Variants in FHIT observed in about 807,000 individuals in gnomAD.
The protein encoded by FHIT is bis(5'-adenosyl)-triphosphatase.
Under a neutral mutation model 17.9 loss-of-function variants are expected in FHIT, and 19 were observed. That is an observed-to-expected ratio of 1.06 (90% CI 0.74 to 1.56). The LOEUF (loss-of-function observed/expected upper bound fraction) is 1.56. Among genes scored for constraint, FHIT ranks in the 40% most tolerant of loss-of-function variants. The pLI is 0.00. For synonymous variants in FHIT, 81 were observed against 69.7 expected (o/e 1.16, Z -0.81); for missense variants, 248 against 189.2 (o/e 1.31, Z -1.82).
intron 3 of FHIT, among the ~76,000 whole-genome samples, chr3:60,920,690 G>C (rs7646851): frequency 1.3e-5 from 2 of 151,998 alleles, no homozygotes; most frequent in African/African-American, 4.8e-5. Context: ...GAGTAAACAA[G>C]GCGTGGGGAG....
At chr3:61,055,035 A>T (rs1214096256) in intron 2 of FHIT, among the ~76,000 whole-genome samples, 2 of 152,114 alleles carry the variant, frequency 1.3e-5, no homozygotes, top group Non-Finnish European at 2.9e-5. Flanking sequence ...GTGCATTTGC[A>T]TACCTCTGCA....
chr3:60,853,677 A>G (rs1703247368), intron 3 of FHIT, among the ~76,000 whole-genome samples: 1 of 152,152 alleles, frequency 6.6e-6, no homozygotes, highest in Non-Finnish European at 1.5e-5. Flanking sequence ...ATAAAGTGCC[A>G]GCTGACTTAA....
At chr3:60,562,713 C>T (rs1182994671) in intron 4 of FHIT, among the ~76,000 whole-genome samples, 1 of 152,154 alleles carries the variant, frequency 6.6e-6, no homozygotes, top group Non-Finnish European at 1.5e-5. Flanking sequence ...TCAAAATCTG[C>T]ACTTGACCTG....
Position 60,814,912 on chromosome 3 carries a change from T to G in FHIT, c.-18+7007A>C, listed in dbSNP as rs367882181. On this transcript the variant is annotated intron_variant, in intron 4 of 9. Transcript: ENST00000492590. Reference sequence around the variant, plus strand: ...TTAGTTTTGTTTTGTTTTTGTTGTTTTTTTTTTTTTTACTTTAGCCATTCT... The same window carrying G: ...TTAGTTTTGTTTTGTTTTTGTTGTTGTTTTTTTTTTTACTTTAGCCATTCT... Among the ~76,000 whole-genome samples the G allele has an allele frequency of 4.8e-4, 72 of 150,856 alleles. No individual in the cohort carries two copies. In the South Asian group the frequency reaches 0.01, roughly 22 times the overall value.
At chr3:60,051,852 C>A (rs1399621826) in intron 5 of FHIT, among the ~76,000 whole-genome samples, 1 of 152,066 alleles carries the variant, frequency 6.6e-6, no homozygotes, top group Non-Finnish European at 1.5e-5. Flanking sequence ...ATAAAACAAA[C>A]AAACAAAACA....
chr3:60,531,693 A>G (rs1036924932), intron 5 of FHIT, among the ~76,000 whole-genome samples: 1 of 152,214 alleles, frequency 6.6e-6, no homozygotes, highest in East Asian at 1.9e-4. Flanking sequence ...TCTGATTTTT[A>G]TGGAAGGACT....
chr3:60,162,502 G>C (rs954910025), intron 5 of FHIT, among the ~76,000 whole-genome samples: 1 of 152,166 alleles, frequency 6.6e-6, no homozygotes, highest in Non-Finnish European at 1.5e-5. Context: ...TTAGAAAACA[G>C]GTTGACCATG....
At chr3:60,623,920 CAGGCACTGTGCTATACAACG>C (rs1553679778) in intron 4 of FHIT, among the ~76,000 whole-genome samples, 4 of 152,166 alleles carry the variant, frequency 2.6e-5, no homozygotes. Context: ...TCCTATGCAT[CAGGCACTGTGCTATACAACG>C]AGTAAAACAT....
chr3:60,655,400 G>A (rs2107813991), intron 4 of FHIT, among the ~76,000 whole-genome samples: 1 of 152,292 alleles, frequency 6.6e-6, no homozygotes, highest in East Asian at 1.9e-4. Flanking sequence ...ACGCATAATT[G>A]AGCCTGTATG....
intron 5 of FHIT, among the ~76,000 whole-genome samples, chr3:60,310,989 C>G (rs894492157): frequency 6.6e-6 from 1 of 152,096 alleles, no homozygotes; most frequent in Non-Finnish European, 1.5e-5. Flanking sequence ...ATATTCTTTT[C>G]CACCCCAGTA....
rs368499623 is a variant in FHIT at position 59,808,638 on chromosome 3, C to T, written c.349-56317G>A. 1.4e-4 allele frequency among the ~76,000 whole-genome samples: 22 copies of T among 152,308 alleles called. No homozygotes were observed. In the East Asian group the frequency reaches 1.7e-3, roughly 12 times the overall value. ...CTCAAGCATGTTTGACCTGAACATA[C>T]AGCTTTCTGCTGAGCTGATCTGGAG... On this transcript the variant is annotated intron_variant, in intron 8 of 9. Transcript: ENST00000492590.
At chr3:60,020,655 T>C (rs562685824) in intron 5 of FHIT, among the ~76,000 whole-genome samples, 1 of 152,344 alleles carries the variant, frequency 6.6e-6, no homozygotes, top group Non-Finnish European at 1.5e-5. Context: ...AATGCAGACC[T>C]CAGCAGACCC....
intron 4 of FHIT, among the ~76,000 whole-genome samples, chr3:60,789,741 T>C (rs2108116750): frequency 6.6e-6 from 1 of 152,190 alleles, no homozygotes; most frequent in East Asian, 1.9e-4. Flanking sequence ...TGGTTGAGGA[T>C]GAAAATAGAA....
At chr3:60,217,210 T>C (rs1703735848) in intron 5 of FHIT, among the ~76,000 whole-genome samples, 1 of 152,150 alleles carries the variant, frequency 6.6e-6, no homozygotes, top group African/African-American at 2.4e-5. Flanking sequence ...TGACAACAAA[T>C]CCAAGCCCAT....
intron 5 of FHIT, among the ~76,000 whole-genome samples, chr3:60,151,138 T>C (rs970387425): frequency 2.6e-5 from 4 of 152,168 alleles, no homozygotes; most frequent in Non-Finnish European, 5.9e-5. Flanking sequence ...AGACTGGACA[T>C]GAGAATTATT....
intron 5 of FHIT, among the ~76,000 whole-genome samples, chr3:60,315,142 T>A (rs920383260): frequency 3.3e-5 from 5 of 152,066 alleles, no homozygotes; most frequent in African/African-American, 1.2e-4. Context: ...ATCTGAGTCA[T>A]CCCAGCTGAG....
At chr3:60,255,332 G>C (rs193116341) in intron 5 of FHIT, among the ~76,000 whole-genome samples, 1 of 152,092 alleles carries the variant, frequency 6.6e-6, no homozygotes, top group East Asian at 1.9e-4. Context: ...ATCAAACCAC[G>C]CAGAAACAAC....
At chr3:60,341,082 T>G (rs1416107242) in intron 5 of FHIT, among the ~76,000 whole-genome samples, 1 of 152,184 alleles carries the variant, frequency 6.6e-6, no homozygotes, top group Non-Finnish European at 1.5e-5. Flanking sequence ...TTTTGGTATC[T>G]GCAGATCCAC....
At chr3:61,184,597 A>G (rs1483232623) in intron 2 of FHIT, among the ~76,000 whole-genome samples, 1 of 152,130 alleles carries the variant, frequency 6.6e-6, no homozygotes, top group East Asian at 1.9e-4. Flanking sequence ...ATCATCTTGA[A>G]CCAGAAGGGC....
Sources: gnomAD v4.1 joint callset for allele counts (sites outside exome capture counted in the v4.1 genomes callset) on GRCh38, gnomAD v4.1.1 for gene constraint, MANE v1.5 for transcripts, NCBI Gene and HGNC (gene_info 2026-07-23, HGNC 2026-07-21) for gene names.